C1QL4: variants seen among roughly 807,000 people sequenced by gnomAD.
C1QL4 encodes the protein complement C1q like 4, also known as complement C1q-like protein 4.
Under a neutral mutation model 13.4 loss-of-function variants are expected in C1QL4, and 5 were observed. The observed-to-expected ratio is 0.37, with a 90% confidence interval of 0.19 to 0.78. The LOEUF (loss-of-function observed/expected upper bound fraction) is 0.78, where lower values mean the gene tolerates loss of function less well. Among genes scored for constraint, C1QL4 ranks in the 30% least tolerant of loss-of-function variants. C1QL4 has a pLI of 0.47. For synonymous variants in C1QL4, 168 were observed against 153.9 expected (o/e 1.09, Z -0.68); for missense variants, 367 against 361.6 (o/e 1.01, Z -0.12).
intron 1 of C1QL4, among the ~76,000 whole-genome samples, chr12:49,335,065 G>A (rs1943621784): frequency 6.6e-6 from 1 of 152,216 alleles, no homozygotes; most frequent in South Asian, 2.1e-4. Context: ...TTCCCACTAT[G>A]TGTGAAATTT....
At chr12:49,334,590 C>T (rs1050262183) in intron 1 of C1QL4, among the ~76,000 whole-genome samples, 6 of 152,310 alleles carry the variant, frequency 3.9e-5, no homozygotes, top group African/African-American at 9.6e-5. Context: ...CCGCAGCGCC[C>T]GCACTGAAGA....
At position 49,336,290 on chromosome 12, in the gene C1QL4, C is replaced by T; in HGVS notation, c.188G>A (p.Arg63His). 7.0e-7 allele frequency: 1 copy of T among 1,418,898 alleles called. No individual in the cohort carries two copies. Among genetic ancestry groups the T allele is most frequent in the Non-Finnish European group, 9.1e-7 (1 of 1,094,230 alleles). 87.9% of individuals were successfully genotyped at this position (1,418,898 alleles called of 1,614,324 possible). A position where few individuals can be genotyped will look rare whatever the true frequency, so the allele number is the denominator to read the frequency against. The change falls in exon 1 of 2, where the codon CGC (arginine) becomes CAC (histidine). Residue 63 changes from arginine to histidine, a missense_variant. By Grantham distance (29) the Arg-to-His change is conservative (BLOSUM62 0). Coordinates refer to ENST00000334221, the MANE Select transcript of C1QL4 (RefSeq NM_001008223.2). The surrounding 1 kb of genome is among the most constrained non-coding windows in gnomAD (Gnocchi z 7.7). ...PPGAKGEVGR[R>H]GKAGLRGPPG... ...GGGCCCCCGCAGGCCTGCTTTCCCG[C>T]GCCGGCCCACCTCTCCCTTGGCGCC...
Position 49,332,996 on chromosome 12 carries a change from C to G in C1QL4, c.*58G>C. On this transcript the variant is annotated 3_prime_UTR_variant, in exon 2 of 2. Coordinates refer to ENST00000334221, the MANE Select transcript of C1QL4 (RefSeq NM_001008223.2). ...GGGGTGGCGCCTCGGGTGGGGCGGG[C>G]AGGAGGTGGGTGAGGACGGGAGAGA... 1 of 1,502,022 alleles carries G rather than the reference C, an allele frequency of 6.7e-7. No homozygotes were observed. Among genetic ancestry groups the G allele is most frequent in the South Asian group, 1.3e-5 (1 of 77,614 alleles). The allele number at this position is 1,502,022 out of a possible 1,614,324, so 93.0% of individuals were successfully genotyped here.
chr12:49,335,250 T>C (rs1369830128), intron 1 of C1QL4, among the ~76,000 whole-genome samples: 1 of 152,184 alleles, frequency 6.6e-6, no homozygotes, highest in Admixed American at 6.5e-5. Context: ...CCCTTGCCTC[T>C]TTCCTCCCCC....
Position 49,336,240 on chromosome 12 carries a change from G to A in C1QL4, c.238C>T (p.Pro80Ser). Residue 80 changes from proline to serine, a missense_variant, in exon 1 of 2, where the codon CCC (proline) becomes TCC (serine). Physicochemically the swap from Pro to Ser is moderately conservative, Grantham distance 74. Transcript: ENST00000334221. This position sits in a 1 kb window ranked among gnomAD's most constrained non-coding sequence, Gnocchi z 7.7. ...GPPGPPGPRG[P>S]PGEPGRPGPP... ...CCTGGCCTGCCGGGTTCTCCTGGGG[G>A]CCCTCTTGGACCTGGTGGTCCAGGG... 2 of 1,469,326 alleles carry A rather than the reference G, an allele frequency of 1.4e-6. No individual in the cohort carries two copies. The highest frequency in any genetic ancestry group is 1.4e-5 in the South Asian group (1 of 72,106). The allele number at this position is 1,469,326 out of a possible 1,614,324, so 91.0% of individuals were successfully genotyped here. A position where few individuals can be genotyped will look rare whatever the true frequency, so the allele number is the denominator to read the frequency against.
rs745787626 is a variant in C1QL4 at position 49,336,183 on chromosome 12, C to A, written c.295G>T (p.Gly99Trp). 1.6e-5 allele frequency: 25 copies of A among 1,592,610 alleles called. No individual in the cohort carries two copies. Among genetic ancestry groups the A allele is most frequent in the Non-Finnish European group, 2.1e-5 (24 of 1,170,270 alleles). The change falls in exon 1 of 2, where the codon GGG becomes TGG. Residue 99 changes from glycine (G) to tryptophan (W), a missense_variant. Coordinates refer to ENST00000334221, the MANE Select transcript of C1QL4 (RefSeq NM_001008223.2). This position sits in a 1 kb window ranked among gnomAD's most constrained non-coding sequence, Gnocchi z 7.7. ...PPGPPGPGPG[G>W]VAPAAGYVPR... ...ACGTAGCCGGCAGCGGGCGCCACCC[C>A]GCCCGGACCTGGACCGGGAGGGCCC...
chr12:49,336,760 G>T lies in C1QL4; in HGVS notation c.-283C>A, dbSNP rs952114163. On this transcript the variant is annotated 5_prime_UTR_variant, in exon 1 of 2. Coordinates refer to ENST00000334221, the MANE Select transcript of C1QL4 (RefSeq NM_001008223.2). The surrounding 1 kb of genome is among the most constrained non-coding windows in gnomAD (Gnocchi z 7.7). ...GTGGGTTACGTCAGGGGCAGCTCCC[G>T]ACGGTCCAGAGCCAGTGGTCCTCTA... 21 of 421,290 alleles carry T rather than the reference G, an allele frequency of 5.0e-5. No homozygotes were observed. The highest frequency in any genetic ancestry group is 7.6e-5 in the Non-Finnish European group (18 of 237,280). The allele number at this position is 421,290 out of a possible 1,614,324, so 26.1% of individuals were successfully genotyped here. A position where few individuals can be genotyped will look rare whatever the true frequency, so the allele number is the denominator to read the frequency against.
rs1268271354 is a variant in C1QL4 at position 49,336,633 on chromosome 12, G to C, written c.-156C>G. 1 of 839,288 alleles carries C rather than the reference G, an allele frequency of 1.2e-6. No individual in the cohort carries two copies. Among genetic ancestry groups the C allele is most frequent in the Non-Finnish European group, 1.7e-6 (1 of 594,720 alleles). 52.0% of individuals were successfully genotyped at this position (839,288 alleles called of 1,614,324 possible). A position where few individuals can be genotyped will look rare whatever the true frequency, so the allele number is the denominator to read the frequency against. ...GGTGACCCGCCTTGGGCCTGGGTCT[G>C]CACTCCCCCGACGGCTGCCCCCCGC... is the stretch of plus-strand genomic sequence containing the variant. On this transcript the variant is annotated 5_prime_UTR_variant, in exon 1 of 2. Coordinates refer to ENST00000334221, the MANE Select transcript of C1QL4 (RefSeq NM_001008223.2). The surrounding 1 kb of genome is among the most constrained non-coding windows in gnomAD (Gnocchi z 7.7).
At position 49,336,409 on chromosome 12, in the gene C1QL4, C is replaced by A; in HGVS notation, c.69G>T (p.Glu23Asp). 6.5e-7 allele frequency: 1 copy of A among 1,537,962 alleles called. No homozygotes were observed. Among genetic ancestry groups the A allele is most frequent in the Non-Finnish European group, 8.6e-7 (1 of 1,156,592 alleles). ...ACACCATGCGGCAGCGACCCAGCAT[C>A]TCGTAGTGCGCTGGCCCGCGGGAGC... The part of the protein sequence containing the change: ...VHSSRGPAHY[E>D]MLGRCRMVCD... The change falls in exon 1 of 2, where the codon GAG (glutamate) becomes GAT (aspartate). Residue 23 changes from glutamate (E) to aspartate (D), a missense_variant. Coordinates refer to ENST00000334221, the MANE Select transcript of C1QL4 (RefSeq NM_001008223.2). The surrounding 1 kb of genome is among the most constrained non-coding windows in gnomAD (Gnocchi z 7.7).
At chr12:49,333,843 G>T (rs182939688) in intron 1 of C1QL4, among the ~76,000 whole-genome samples, 6 of 151,678 alleles carry the variant, frequency 4.0e-5, no homozygotes, top group Admixed American at 6.6e-5. Flanking sequence ...TGGCTCAGTG[G>T]TTTCCATTCT....
In C1QL4 at chr12:49,335,982, C is replaced by G. The variant is rs369678101; in HGVS notation, c.496G>C (p.Asp166His). ...FAYHVLMRGGDGTSMWADLMK... is the reference protein window; with the variant it reads ...FAYHVLMRGGHGTSMWADLMK... ...AGGTCGGCCCACATGCTGGTGCCGT[C>G]GCCGCCGCGCATGAGCACGTGGTAA... The change falls in exon 1 of 2, where the codon GAC (aspartate) becomes CAC (histidine). Residue 166 changes from aspartate (D) to histidine (H), a missense_variant. Transcript: ENST00000334221. 6.2e-7 allele frequency: 1 copy of G among 1,608,532 alleles called. No individual in the cohort carries two copies. Among genetic ancestry groups the G allele is most frequent in the Admixed American group, 1.7e-5 (1 of 59,518 alleles).
In C1QL4 at chr12:49,336,061, G is replaced by A. The variant is rs757683809; in HGVS notation, c.417C>T (p.Tyr139=). Residue 139 remains tyrosine, a synonymous_variant, in exon 1 of 2, where the codon TAC becomes TAT. Coordinates refer to ENST00000334221, the MANE Select transcript of C1QL4 (RefSeq NM_001008223.2). This position sits in a 1 kb window ranked among gnomAD's most constrained non-coding sequence, Gnocchi z 7.7. The part of the protein sequence containing the change: ...DDVVTNVGNA[Y]EAASGKFTCP... ...AAGTAAACTTGCCGCTGGCTGCCTC[G>A]TAGGCGTTGCCCACGTTGGTCACCA... 2.5e-6 allele frequency: 4 copies of A among 1,612,354 alleles called. No homozygotes were observed. The highest frequency in any genetic ancestry group is 2.2e-5 in the South Asian group (2 of 90,974).
At chr12:49,333,859 T>TAG (rs1357287380) in intron 1 of C1QL4, among the ~76,000 whole-genome samples, 3 of 151,724 alleles carry the variant, frequency 2.0e-5, no homozygotes, top group Non-Finnish European at 2.9e-5. Flanking sequence ...ATTCTTAAAT[T>TAG]ATTTTTAATG....
chr12:49,335,195 T>C (rs1943622668), intron 1 of C1QL4, among the ~76,000 whole-genome samples: 1 of 152,188 alleles, frequency 6.6e-6, no homozygotes, highest in Non-Finnish European at 1.5e-5. Context: ...AGGGAGGGTG[T>C]GGGGCCTACA....
rs777944735 is a variant in C1QL4 at position 49,333,093 on chromosome 12, CTTG to C, written c.675_677del (p.Asn225del). On this transcript the variant is annotated inframe_deletion, in exon 2 of 2. Transcript: ENST00000334221. The stretch of plus-strand genomic sequence containing the variant: ...TGATGAAGCCGGAGAAGGTGCTGTA[CTTG>C]TTGGTGTTGCCGCCGTGCACTTTCC... The C allele has an allele frequency of 2.0e-5, 33 of 1,613,962 alleles. No individual in the cohort carries two copies. The highest frequency in any genetic ancestry group is 2.0e-4 in the African/African-American group (15 of 74,912).
chr12:49,336,289 G>A lies in C1QL4; in HGVS notation c.189C>T (p.Arg63=). Residue 63 remains arginine (R), a synonymous_variant, in exon 1 of 2, where the codon CGC becomes CGT. Coordinates refer to ENST00000334221, the MANE Select transcript of C1QL4 (RefSeq NM_001008223.2). This position sits in a 1 kb window ranked among gnomAD's most constrained non-coding sequence, Gnocchi z 7.7. The part of the protein sequence containing the change: ...PPGAKGEVGR[R]GKAGLRGPPG... ...GGGGCCCCCGCAGGCCTGCTTTCCC[G>A]CGCCGGCCCACCTCTCCCTTGGCGC... is the stretch of plus-strand genomic sequence containing the variant. 7.0e-7 allele frequency: 1 copy of A among 1,419,896 alleles called. No homozygotes were observed. 88.0% of individuals were successfully genotyped at this position (1,419,896 alleles called of 1,614,324 possible).
At position 49,332,861 on chromosome 12, in the gene C1QL4, G is replaced by A. The variant is rs1943601147; in HGVS notation, c.*193C>T. 4.8e-6 allele frequency: 3 copies of A among 625,416 alleles called. No individual in the cohort carries two copies. Among genetic ancestry groups the A allele is most frequent in the Non-Finnish European group, 8.2e-6 (3 of 366,242 alleles). 38.7% of individuals were successfully genotyped at this position (625,416 alleles called of 1,614,324 possible). ...CGGAAGTCGCTCTGCTCCTCTGGCC[G>A]GGTCTCCTCCTCTTCCCGGCCACTT... is the stretch of plus-strand genomic sequence containing the variant. On this transcript the variant is annotated 3_prime_UTR_variant, in exon 2 of 2. Coordinates refer to ENST00000334221, the MANE Select transcript of C1QL4 (RefSeq NM_001008223.2).
chr12:49,333,536 T>C (rs1943608505), intron 1 of C1QL4, among the ~76,000 whole-genome samples: 1 of 146,658 alleles, frequency 6.8e-6, no homozygotes, highest in Admixed American at 6.7e-5. Flanking sequence ...TTCAGAAGAG[T>C]GGTTTGCTTT....
At chr12:49,333,876 C>A (rs1342172733) in intron 1 of C1QL4, among the ~76,000 whole-genome samples, 3 of 150,144 alleles carry the variant, frequency 2.0e-5, no homozygotes, top group African/African-American at 7.3e-5. Flanking sequence ...AATGCATTTT[C>A]AAATTACTAT....
Sources: gnomAD v4.1 joint callset for allele counts (sites outside exome capture counted in the v4.1 genomes callset) on GRCh38, gnomAD v4.1.1 for gene constraint, Gnocchi (gnomAD v3.1) non-coding constraint, MANE v1.5 for transcripts, NCBI Gene and HGNC (gene_info 2026-07-23, HGNC 2026-07-21) for gene names.